Variants in NUP188 observed in about 807,000 individuals in gnomAD.
NUP188 encodes nucleoporin 188, also known as nucleoporin NUP188.
Under a neutral mutation model 223.0 loss-of-function variants are expected in NUP188, and 97 were observed. The observed-to-expected ratio is 0.43, with a 90% CI of 0.37 to 0.51. The LOEUF is 0.51. Ranked by LOEUF, NUP188 falls within the 20% of genes least tolerant of loss-of-function variation. NUP188 has a pLI of 0.00. For synonymous variants in NUP188, 869 were observed against 828.0 expected (o/e 1.05, Z -0.85); for missense variants, 1,947 against 2,175.6 (o/e 0.89, Z 2.09).
chr9:128,976,054 C>A (rs1178047176), intron 12 of NUP188, among the ~76,000 whole-genome samples: 1 of 152,118 alleles, frequency 6.6e-6, no homozygotes, highest in Non-Finnish European at 1.5e-5. Flanking sequence ...AACTACTGAC[C>A]TCAAGTGATC....
At chr9:128,955,598 C>T (rs929211961) in intron 3 of NUP188, among the ~76,000 whole-genome samples, 6 of 151,972 alleles carry the variant, frequency 3.9e-5, no homozygotes, top group Admixed American at 6.6e-5. Context: ...TTTAGGTTGG[C>T]CTCTGTCCTT....
rs756201505 is a variant in NUP188, at chr9:128,999,709, C to A, written c.3747C>A (p.Thr1249=). The change falls in exon 34 of 44, where the codon ACC becomes ACA. Residue 1249 remains threonine (T), a synonymous_variant. Coordinates refer to ENST00000372577, the MANE Select transcript of NUP188 (RefSeq NM_015354.3). ...QEEVIALFDQ[T]RHSLALGSAT... is the part of the protein sequence containing the mutation. Reference sequence around the variant, plus strand: ...AAGTGATTGCACTCTTCGACCAGACCCGCCACAGTCTGGCATTAGGCAGTG... The same window carrying A: ...AAGTGATTGCACTCTTCGACCAGACACGCCACAGTCTGGCATTAGGCAGTG... 1 of 1,614,110 alleles carries A rather than the reference C, an allele frequency of 6.2e-7. No homozygotes were observed. Among genetic ancestry groups the A allele is most frequent in the East Asian group, 2.2e-5 (1 of 44,882 alleles).
At chr9:128,958,662 A>G in intron 6 of NUP188, 140 bp from the exon 7 acceptor site, 2 of 454,842 alleles carry the variant, frequency 4.4e-6, no homozygotes, top group South Asian at 1.1e-4. Flanking sequence ...CTAATTCAGT[A>G]TGTTTGCATT....
At chr9:128,949,272 T>C in intron 2 of NUP188, 29 bp downstream of exon 2, 1 of 1,556,918 alleles carries the variant, frequency 6.4e-7, no homozygotes, top group Non-Finnish European at 8.8e-7. Flanking sequence ...GAGTGGGTTC[T>C]CTGGGTTCTT....
At chr9:128,983,595 C>A in intron 19 of NUP188, 45 bp downstream of exon 19, 1 of 1,261,968 alleles carries the variant, frequency 7.9e-7, no homozygotes, top group Admixed American at 1.7e-5. Context: ...CTAGTGAGAA[C>A]CACATATGTC....
chr9:128,987,555 C>A (rs747914668), intron 22 of NUP188, 34 bp from the exon 23 acceptor site: 9 of 1,595,386 alleles, frequency 5.6e-6, no homozygotes, highest in Non-Finnish European at 7.7e-6. Context: ...CACTGAGTGG[C>A]TCCCTGGTAA....
rs1361428568 is a variant in NUP188, at chr9:128,998,174, C to T, written c.3375C>T (p.Asp1125=). The part of the protein sequence containing the change: ...TTHADIMHLT[D]SVVRRQLFLD... Reference sequence around the variant, plus strand: ...AGGCAGATATAATGCACCTGACTGACTCTGTGGTGCGTCGCCAGCTCTTTC... The same window carrying T: ...AGGCAGATATAATGCACCTGACTGATTCTGTGGTGCGTCGCCAGCTCTTTC... Residue 1125 remains aspartate (D), a synonymous_variant, in exon 31 of 44, where the codon GAC becomes GAT. Transcript: ENST00000372577. 1.9e-6 allele frequency: 3 copies of T among 1,613,904 alleles called. No homozygotes were observed. Among genetic ancestry groups the T allele is most frequent in the African/African-American group, 1.3e-5 (1 of 74,928 alleles).
intron 25 of NUP188, among the ~76,000 whole-genome samples, chr9:128,992,612 T>C (rs1368723821): frequency 6.6e-6 from 1 of 152,216 alleles, no homozygotes; most frequent in Non-Finnish European, 1.5e-5. Flanking sequence ...CTTTTTTCCT[T>C]TTTTTAATTT....
At chr9:128,966,175 G>T (rs913457533) in intron 8 of NUP188, among the ~76,000 whole-genome samples, 11 of 143,594 alleles carry the variant, frequency 7.7e-5, no homozygotes, top group Admixed American at 4.2e-4. Flanking sequence ...GTGTGCGTGT[G>T]CCCAGCCTTG....
intron 12 of NUP188, among the ~76,000 whole-genome samples, chr9:128,976,120 G>A (rs1227412898): frequency 6.6e-6 from 1 of 152,156 alleles, no homozygotes; most frequent in Non-Finnish European, 1.5e-5. Context: ...ACTGTGCCTT[G>A]CCTCTTTTCT....
At chr9:128,999,945 C>A (rs1353027878) in intron 34 of NUP188, 140 bp downstream of exon 34, 2 of 731,320 alleles carry the variant, frequency 2.7e-6, no homozygotes, top group African/African-American at 3.5e-5. Context: ...GTTAATAGAT[C>A]AGACACTGCA....
intron 28 of NUP188, 27 bp from the exon 29 acceptor site, chr9:128,994,829 T>C: frequency 6.3e-7 from 1 of 1,591,334 alleles, no homozygotes; most frequent in African/African-American, 1.3e-5. Context: ...AGAGATGTGA[T>C]AATTGCCTGT....
At chr9:128,994,265 G>A in intron 27 of NUP188, 108 bp from the exon 28 acceptor site, 1 of 765,296 alleles carries the variant, frequency 1.3e-6, no homozygotes, top group Middle Eastern at 2.4e-4. Flanking sequence ...CACATATTAG[G>A]ATTGAGACTG....
rs779171698 is a variant in NUP188, at chr9:128,980,691, G to A, written c.1355G>A (p.Arg452Gln). The A allele has an allele frequency of 1.3e-5, 21 of 1,613,934 alleles. No individual in the cohort carries two copies. Among genetic ancestry groups the A allele is most frequent in the East Asian group, 4.5e-5 (2 of 44,876 alleles). The change falls in exon 14 of 44, where the codon CGA becomes CAA. Residue 452 changes from arginine (R) to glutamine (Q), a missense_variant. Transcript: ENST00000372577. ...CTCTCCCCACTCCTGCAACTGCTCC[G>A]AGCCCTGGTATCAGGGAAGTCCACA... ...HLLSPLLQLL[R>Q]ALVSGKSTAK...
chr9:128,951,004 T>A (rs1350071417), intron 2 of NUP188, among the ~76,000 whole-genome samples: 1 of 151,752 alleles, frequency 6.6e-6, no homozygotes, highest in Non-Finnish European at 1.5e-5. Context: ...ATACCATTCT[T>A]CTACCTCAAC....
At chr9:129,003,682 T>G in intron 38 of NUP188, 1 of 628,856 alleles carries the variant, frequency 1.6e-6, no homozygotes, top group East Asian at 3.2e-5. Flanking sequence ...CAGTTAGATC[T>G]TGGTTCAGAT....
Position 128,986,627 on chromosome 9 carries a change from C to G in NUP188, c.2146C>G (p.Pro716Ala). The change falls in exon 21 of 44, where the codon CCC (proline) becomes GCC (alanine). Residue 716 changes from proline to alanine, a missense_variant. Pro to Ala is a conservative substitution (Grantham distance 27). This residue lies in a region of NUP188 where 225 missense variants were observed against 319.1 expected (regional missense o/e 0.71). Transcript: ENST00000372577. ...CVMFVLKEML[P>A]SYHKWRYNSH... ...AATGTTTGTGCTGAAGGAGATGCTT[C>G]CCAGCTACCATAAGTGGCGCTACAA... is the stretch of plus-strand genomic sequence containing the variant. 6.2e-7 allele frequency: 1 copy of G among 1,614,170 alleles called. No individual in the cohort carries two copies. Among genetic ancestry groups the G allele is most frequent in the Non-Finnish European group, 8.5e-7 (1 of 1,180,034 alleles).
chr9:128,994,261 T>C, intron 27 of NUP188, 112 bp from the exon 28 acceptor site: 2 of 744,000 alleles, frequency 2.7e-6, no homozygotes, highest in East Asian at 2.5e-5. Flanking sequence ...CAGACACATA[T>C]TAGGATTGAG....
intron 28 of NUP188, 37 bp from the exon 29 acceptor site, chr9:128,994,819 A>C: frequency 2.1e-5 from 32 of 1,528,898 alleles, no homozygotes; most frequent in African/African-American, 5.5e-5. Context: ...ATCAGTGATC[A>C]GAGATGTGAT....
Sources: gnomAD v4.1 joint callset for allele counts (sites outside exome capture counted in the v4.1 genomes callset) on GRCh38, gnomAD v4.1.1 for gene constraint, gnomAD v4.1.1 regional missense constraint, MANE v1.5 for transcripts, NCBI Gene and HGNC (gene_info 2026-07-23, HGNC 2026-07-21) for gene names.